The following RSBN1 variants were observed in gnomAD, a reference collection of about 807,000 sequenced individuals.
RSBN1 encodes the protein lysine-specific demethylase 9.
RSBN1 carries 23 observed loss-of-function variants against 74.8 expected under a neutral mutation model. That is an observed-to-expected ratio of 0.31 (90% CI 0.22 to 0.44). The LOEUF is 0.44. Ranked by LOEUF, RSBN1 falls within the 20% of genes least tolerant of loss-of-function variation. RSBN1 has a pLI of 1.00. For synonymous variants in RSBN1, 407 were observed against 379.6 expected, an observed-to-expected ratio of 1.07 and a Z score of -0.84; for missense variants, 808 against 1,020.9, an observed-to-expected ratio of 0.79 and a Z score of 2.84.
chr1:113,782,178 CAT>C (rs1355411848), intron 2 of RSBN1, among the ~76,000 whole-genome samples: 1 of 152,182 alleles, frequency 6.6e-6, no homozygotes, highest in African/African-American at 2.4e-5. Context: ...CAAGTTTTCA[CAT>C]GTTATTGTCC....
intron 1 of RSBN1, among the ~76,000 whole-genome samples, chr1:113,801,779 A>G (rs971425168): frequency 1.3e-4 from 20 of 152,324 alleles, no homozygotes; most frequent in African/African-American, 4.6e-4. Context: ...CTACAGAGGA[A>G]GATACATTCA....
At chr1:113,777,143 G>T in intron 4 of RSBN1, 67 bp downstream of exon 4, 2 of 1,447,118 alleles carry the variant, frequency 1.4e-6, no homozygotes, top group Non-Finnish European at 1.9e-6. Context: ...TTCAAACTGT[G>T]CTCATTTTTA....
chr1:113,791,834 G>A lies in RSBN1; in HGVS notation c.1377+5529C>T, dbSNP rs554844349. ...ACTAATAATGCATACAGTTCCTTAAGGGTTTCTGAGCTATTTCCCAAGCTA... is the reference window on the plus strand; with the variant it reads ...ACTAATAATGCATACAGTTCCTTAAAGGTTTCTGAGCTATTTCCCAAGCTA... On this transcript the variant is annotated intron_variant, in intron 2 of 6. Transcript: ENST00000261441. Among the ~76,000 whole-genome samples, 16 of 152,022 alleles carry A rather than the reference G, an allele frequency of 1.1e-4. No homozygotes were observed. The South Asian group carries it at 3.3e-3, about 32-fold the overall frequency.
chr1:113,772,412 C>T (rs1416593756), intron 4 of RSBN1, among the ~76,000 whole-genome samples: 1 of 151,840 alleles, frequency 6.6e-6, no homozygotes, highest in Non-Finnish European at 1.5e-5. Flanking sequence ...AAAAACCCTG[C>T]CAAAGCCTTT....
rs138216593 is a variant in RSBN1 at position 113,792,979 on chromosome 1, T to C, written c.1377+4384A>G. Among the ~76,000 whole-genome samples, 12 of 152,326 alleles carry C rather than the reference T, an allele frequency of 7.9e-5. No individual in the cohort carries two copies. In the East Asian group the frequency reaches 2.1e-3, roughly 27 times the overall value. The stretch of plus-strand genomic sequence containing the variant: ...CTGGTATTAGAACATTTGAGTTTTC[T>C]AGAATGTTAAAAGAAAACCCTATAT... On this transcript the variant is annotated intron_variant, in intron 2 of 6. Coordinates refer to ENST00000261441, the MANE Select transcript of RSBN1 (RefSeq NM_018364.5).
At position 113,809,196 on chromosome 1, in the gene RSBN1, G is replaced by A. The variant is rs557338963; in HGVS notation, c.703+2514C>T. 3.0e-3 allele frequency among the ~76,000 whole-genome samples: 454 copies of A among 152,224 alleles called. 2 individuals are homozygous for A. Among genetic ancestry groups the A allele is most frequent in the Admixed American group, 5.3e-3 (81 of 15,280 alleles). On this transcript the variant is annotated intron_variant, in intron 1 of 6. Transcript: ENST00000261441. ...CATGCATAATAAAATAATAAAGGCC[G>A]GTTTTAAGTAAGTGCCTACAATGAG...
intron 2 of RSBN1, among the ~76,000 whole-genome samples, chr1:113,787,296 A>T (rs1660264506): frequency 6.6e-6 from 1 of 152,214 alleles, no homozygotes; most frequent in Admixed American, 6.5e-5. Flanking sequence ...CTCAAGTGAG[A>T]ATAAAATATC....
intron 4 of RSBN1, among the ~76,000 whole-genome samples, chr1:113,771,442 A>G (rs1430187728): frequency 1.3e-5 from 2 of 152,088 alleles, no homozygotes; most frequent in African/African-American, 2.4e-5. Context: ...AGGAAGTCCT[A>G]GGTGGATAAC....
At chr1:113,802,544 G>T (rs1258834399) in intron 1 of RSBN1, among the ~76,000 whole-genome samples, 4 of 152,042 alleles carry the variant, frequency 2.6e-5, no homozygotes, top group Non-Finnish European at 5.9e-5. Flanking sequence ...AAACATTTGT[G>T]AATCATTGTA....
At chr1:113,807,865 C>T (rs1374860416) in intron 1 of RSBN1, among the ~76,000 whole-genome samples, 1 of 150,962 alleles carries the variant, frequency 6.6e-6, no homozygotes, top group African/African-American at 2.4e-5. Context: ...TATAAAGAGA[C>T]ATTTTACTGA....
At chr1:113,786,818 C>T (rs1292115786) in intron 2 of RSBN1, among the ~76,000 whole-genome samples, 2 of 151,968 alleles carry the variant, frequency 1.3e-5, no homozygotes, top group Non-Finnish European at 2.9e-5. Flanking sequence ...TAAAAAAATA[C>T]AAAAAATTAG....
At position 113,762,107 on chromosome 1, in the gene RSBN1, C is replaced by T. The variant is rs1050455203; in HGVS notation, c.*3873G>A. 4 of 152,646 alleles carry T rather than the reference C, an allele frequency of 2.6e-5. No individual in the cohort carries two copies. The highest frequency in any genetic ancestry group is 9.7e-5 in the African/African-American group (4 of 41,382). The allele number at this position is 152,646 out of a possible 1,614,324, so 9.5% of individuals were successfully genotyped here. On this transcript the variant is annotated 3_prime_UTR_variant, in exon 7 of 7. Transcript: ENST00000261441. Reference sequence around the variant, plus strand: ...GGCAAATATACATTTCATCTATATGCAAAGACCTCTTAGATAAATAAAAGC... The same window carrying T: ...GGCAAATATACATTTCATCTATATGTAAAGACCTCTTAGATAAATAAAAGC...
In RSBN1 at chr1:113,762,737, T is replaced by C. The variant is rs906933074; in HGVS notation, c.*3243A>G. On this transcript the variant is annotated 3_prime_UTR_variant, in exon 7 of 7. Transcript: ENST00000261441. ...TCATTCTAGACAATTAATATTTATA[T>C]AGGGAAAGGCAATAAGCAAGTTTTT... 2.6e-5 allele frequency: 4 copies of C among 152,774 alleles called. No homozygotes were observed. The highest frequency in any genetic ancestry group is 7.2e-5 in the African/African-American group (3 of 41,462). The allele number at this position is 152,774 out of a possible 1,614,324, so 9.5% of individuals were successfully genotyped here. A position where few individuals can be genotyped will look rare whatever the true frequency, so the allele number is the denominator to read the frequency against.
intron 2 of RSBN1, among the ~76,000 whole-genome samples, chr1:113,788,504 A>G (rs1306949928): frequency 6.6e-6 from 1 of 152,180 alleles, no homozygotes; most frequent in African/African-American, 2.4e-5. Context: ...CTTGGTACTC[A>G]GACATTCTGT....
intron 2 of RSBN1, among the ~76,000 whole-genome samples, chr1:113,788,708 T>C (rs999013245): frequency 2.6e-5 from 4 of 152,090 alleles, no homozygotes; most frequent in Non-Finnish European, 5.9e-5. Context: ...GATGTGAGAA[T>C]TGAGCTACTG....
intron 2 of RSBN1, among the ~76,000 whole-genome samples, chr1:113,779,819 A>C (rs907788381): frequency 1.3e-5 from 2 of 151,788 alleles, no homozygotes; most frequent in Admixed American, 6.6e-5. Flanking sequence ...TCAGGAGCTC[A>C]AGACCAGCCT....
At position 113,792,895 on chromosome 1, in the gene RSBN1, G is replaced by C. The variant is rs191021349; in HGVS notation, c.1377+4468C>G. Among the ~76,000 whole-genome samples, 17 of 152,258 alleles carry C rather than the reference G, an allele frequency of 1.1e-4. No homozygotes were observed. The East Asian group carries it at 3.1e-3, about 28-fold the overall frequency. ...AGTTATCCTGTATCAACTGCTAAGA[G>C]TTAAGTAATCAAACAAGGATCAGCT... On this transcript the variant is annotated intron_variant, in intron 2 of 6. Coordinates refer to ENST00000261441, the MANE Select transcript of RSBN1 (RefSeq NM_018364.5).
chr1:113,787,664 T>A (rs1432809522), intron 2 of RSBN1, among the ~76,000 whole-genome samples: 1 of 152,158 alleles, frequency 6.6e-6, no homozygotes, highest in Non-Finnish European at 1.5e-5. Context: ...ATCCCAGTTA[T>A]TTAACAATGC....
In RSBN1 at chr1:113,812,369, T is replaced by C; in HGVS notation, c.44A>G (p.Glu15Gly). ...GRRTADKWRAEERLQCPAGSA... is the reference protein window; with the variant it reads ...GRRTADKWRAGERLQCPAGSA... ...GCCCGCTGGGCATTGGAGTCTCTCC[T>C]CCGCCCTCCACTTGTCGGCCGTTCT... is the stretch of plus-strand genomic sequence containing the variant. The change falls in exon 1 of 7, where the codon GAG becomes GGG. Residue 15 changes from glutamate to glycine, a missense_variant. By Grantham distance (98) the Glu-to-Gly change is moderately conservative. This residue lies in a region of RSBN1 where 464 missense variants were observed against 401.0 expected (regional missense o/e 1.16). Transcript: ENST00000261441. 6.2e-7 allele frequency: 1 copy of C among 1,602,668 alleles called. No homozygotes were observed.
Sources: gnomAD v4.1 joint callset for allele counts (sites outside exome capture counted in the v4.1 genomes callset) on GRCh38, gnomAD v4.1.1 for gene constraint, gnomAD v4.1.1 regional missense constraint, MANE v1.5 for transcripts, NCBI Gene and HGNC (gene_info 2026-07-23, HGNC 2026-07-21) for gene names.